The following GSE1 variants were observed in gnomAD, a reference collection of about 807,000 sequenced individuals.
GSE1 encodes the protein genetic suppressor element 1.
Under a neutral mutation model 112.6 loss-of-function variants are expected in GSE1, and 32 were observed. That is an observed-to-expected ratio of 0.28 (90% CI 0.21 to 0.38). The LOEUF (loss-of-function observed/expected upper bound fraction) is 0.38, where lower values mean the gene tolerates loss of function less well. Among genes scored for constraint, GSE1 ranks in the 10% least tolerant of loss-of-function variants. The probability of loss-of-function intolerance (pLI) is 1.00; values close to 1 mark genes in which losing one functional copy is unlikely to be tolerated. For synonymous variants in GSE1, 1,115 were observed against 735.6 expected, an observed-to-expected ratio of 1.52 and a Z score of -8.35; for missense variants, 2,348 against 1,699.2, an observed-to-expected ratio of 1.38 and a Z score of -6.71.
chr16:85,452,993 T>C (rs2049728479), intron 2 of GSE1, among the ~76,000 whole-genome samples: 1 of 152,198 alleles, frequency 6.6e-6, no homozygotes, highest in South Asian at 2.1e-4. Context: ...TTTGGCAATT[T>C]GCCTGTGTTT....
At chr16:85,267,499 G>A (rs562173220) in intron 1 of GSE1, among the ~76,000 whole-genome samples, 3 of 152,188 alleles carry the variant, frequency 2.0e-5, no homozygotes, top group Admixed American at 6.5e-5. Flanking sequence ...ATGTGCGCAC[G>A]CATGTACAGG....
chr16:85,267,158 C>T lies in GSE1; in HGVS notation c.2284-90305C>T, dbSNP rs1251907387. Among the ~76,000 whole-genome samples, 7 of 152,182 alleles carry T rather than the reference C, an allele frequency of 4.6e-5. No individual in the cohort carries two copies. In the East Asian group the frequency reaches 7.7e-4, roughly 17 times the overall value. Reference sequence around the variant, plus strand: ...GGGCTGAAGGCTATCGGAGCAGCGGCGGTGGCTGCCTGGGCTGGCCTCCCC... The same window carrying T: ...GGGCTGAAGGCTATCGGAGCAGCGGTGGTGGCTGCCTGGGCTGGCCTCCCC... On this transcript the variant is annotated intron_variant, in intron 1 of 2. Coordinates refer to the GSE1 transcript ENST00000637419.
chr16:85,208,540 A>G (rs1282923565), intron 1 of GSE1, among the ~76,000 whole-genome samples: 17 of 152,160 alleles, frequency 1.1e-4, no homozygotes, highest in South Asian at 2.1e-4. Context: ...CCCCTTTCAC[A>G]TGATTCCAAA....
At chr16:85,569,364 T>C (rs59025447) in intron 1 of GSE1, among the ~76,000 whole-genome samples, 19,593 of 152,240 alleles carry the variant, frequency 0.13, 3,281 homozygotes, top group African/African-American at 0.38. Flanking sequence ...CCCCTGGGCC[T>C]GGGGGCCAAG....
chr16:85,448,459 T>C (rs1454334340), intron 2 of GSE1, among the ~76,000 whole-genome samples: 1 of 152,202 alleles, frequency 6.6e-6, no homozygotes, highest in Non-Finnish European at 1.5e-5. Flanking sequence ...GTGCCTACTG[T>C]GTACCTGGAG....
chr16:85,551,910 C>T (rs1218132187), upstream of GSE1, among the ~76,000 whole-genome samples: 2 of 152,226 alleles, frequency 1.3e-5, no homozygotes, highest in Admixed American at 6.5e-5. Context: ...GCTGGCCCAC[C>T]GGCATGCCCA....
chr16:85,535,770 C>T (rs1463574435), intron 2 of GSE1, among the ~76,000 whole-genome samples: 1 of 152,202 alleles, frequency 6.6e-6, no homozygotes, highest in Non-Finnish European at 1.5e-5. Context: ...ACCATTTTTC[C>T]ACCCTCACCC....
At chr16:85,571,554 G>C (rs928670495) in intron 1 of GSE1, among the ~76,000 whole-genome samples, 1 of 152,178 alleles carries the variant, frequency 6.6e-6, no homozygotes, top group Admixed American at 6.5e-5. Context: ...ATACTGGCAC[G>C]GGCCTGGGAG....
intron 2 of GSE1, among the ~76,000 whole-genome samples, chr16:85,457,904 C>G (rs2049873926): frequency 6.6e-6 from 1 of 152,222 alleles, no homozygotes; most frequent in African/African-American, 2.4e-5. Flanking sequence ...TACACTGCCT[C>G]ATTCGATCCT....
intron 1 of GSE1, among the ~76,000 whole-genome samples, chr16:85,280,434 T>C (rs2966856): frequency 0.86 from 130,265 of 152,160 alleles, 56,217 homozygotes; most frequent in Non-Finnish European, 0.92. Context: ...CTCTCTCTGT[T>C]GCCCAGGCTG....
chr16:85,268,845 C>G (rs1326445015), intron 1 of GSE1, among the ~76,000 whole-genome samples: 1 of 152,170 alleles, frequency 6.6e-6, no homozygotes, highest in Non-Finnish European at 1.5e-5. Context: ...CCCGTGCTCT[C>G]TCCACACTCA....
At chr16:85,663,286 A>G in intron 10 of GSE1, 58 bp from the exon 11 acceptor site, 2 of 1,580,922 alleles carry the variant, frequency 1.3e-6, no homozygotes, top group Non-Finnish European at 1.7e-6. Context: ...ACCCCGGGAC[A>G]GTGCAAGCAT....
intron 2 of GSE1, among the ~76,000 whole-genome samples, chr16:85,548,728 T>G (rs190110363): frequency 3.0e-4 from 46 of 152,268 alleles, no homozygotes; most frequent in African/African-American, 8.9e-4. Flanking sequence ...TGCTTCCTCT[T>G]GTTATAAAGA....
chr16:85,609,722 T>C (rs533232947), upstream of GSE1, among the ~76,000 whole-genome samples: 4 of 152,090 alleles, frequency 2.6e-5, no homozygotes, highest in African/African-American at 9.6e-5. Flanking sequence ...TGGCACAATC[T>C]CAGCTCACTG....
At chr16:85,520,281 C>G (rs918524294) in intron 2 of GSE1, among the ~76,000 whole-genome samples, 1 of 152,142 alleles carries the variant, frequency 6.6e-6, no homozygotes, top group Non-Finnish European at 1.5e-5. Flanking sequence ...CTAATCACCT[C>G]CAAAGGCCCC....
intron 1 of GSE1, among the ~76,000 whole-genome samples, chr16:85,321,039 T>C (rs1354522317): frequency 6.6e-6 from 1 of 152,210 alleles, no homozygotes; most frequent in Non-Finnish European, 1.5e-5. Flanking sequence ...ACCCCGATCT[T>C]ATTTAGGTCG....
chr16:85,306,401 G>A (rs1011029840), intron 1 of GSE1: 2 of 153,582 alleles, frequency 1.3e-5, no homozygotes, highest in Non-Finnish European at 2.9e-5. Flanking sequence ...CATCACAGGG[G>A]CGTGGTCACA....
chr16:85,321,013 G>A (rs189340939), intron 1 of GSE1, among the ~76,000 whole-genome samples: 5 of 152,076 alleles, frequency 3.3e-5, no homozygotes, highest in East Asian at 3.9e-4. Context: ...TTTCCTCTGC[G>A]CCCCCTGCCC....
chr16:85,238,166 G>C (rs547975789), intron 1 of GSE1, among the ~76,000 whole-genome samples: 175 of 152,204 alleles, frequency 1.1e-3, no homozygotes, highest in African/African-American at 4.0e-3. Flanking sequence ...GGAAGACCCC[G>C]GGAGGTGGCG....
Sources: gnomAD v4.1 joint callset for allele counts (sites outside exome capture counted in the v4.1 genomes callset) on GRCh38, gnomAD v4.1.1 for gene constraint, MANE v1.5 for transcripts, NCBI Gene and HGNC (gene_info 2026-07-23, HGNC 2026-07-21) for gene names.